Variants in PIGN observed in about 807,000 individuals in gnomAD.
The protein encoded by PIGN is phosphatidylinositol glycan anchor biosynthesis class N.
Under a neutral mutation model 125.4 loss-of-function variants are expected in PIGN, and 117 were observed. The observed-to-expected ratio is 0.93, with a 90% CI of 0.80 to 1.09. PIGN has a LOEUF of 1.09. PIGN is among the 50% of genes least tolerant of loss of function. The pLI is 0.00. For synonymous variants in PIGN, 392 were observed against 377.8 expected, an observed-to-expected ratio of 1.04 and a Z score of -0.44; for missense variants, 1,075 against 1,094.9, an observed-to-expected ratio of 0.98 and a Z score of 0.26.
At chr18:62,046,120 C>G (rs2144988863) in intron 30 of PIGN, 141 bp from the exon 31 acceptor site, 1 of 789,810 alleles carries the variant, frequency 1.3e-6, no homozygotes, top group East Asian at 2.8e-5. Context: ...CTTATTCCTC[C>G]TGCTAAGTAC....
intron 16 of PIGN, among the ~76,000 whole-genome samples, chr18:62,111,295 G>A (rs1226302982): frequency 6.6e-6 from 1 of 151,844 alleles, no homozygotes; most frequent in Admixed American, 6.6e-5. Flanking sequence ...CTGGAACAGT[G>A]GGGCTCAATA....
chr18:62,110,123 GA>G (rs1232880756), intron 16 of PIGN, 150 bp from the exon 17 acceptor site: 3 of 637,960 alleles, frequency 4.7e-6, no homozygotes, highest in East Asian at 2.9e-5. Context: ...TTAAGACAAG[GA>G]AAAAAATCTA....
chr18:62,057,075 G>C (rs1412510327), intron 30 of PIGN, among the ~76,000 whole-genome samples: 1 of 151,992 alleles, frequency 6.6e-6, no homozygotes, highest in East Asian at 1.9e-4. Flanking sequence ...AAAATGACTG[G>C]GGACCACTGT....
chr18:62,148,503 A>G (rs898079594), intron 7 of PIGN, among the ~76,000 whole-genome samples, 165 bp from the exon 8 acceptor site: 3 of 152,134 alleles, frequency 2.0e-5, no homozygotes, highest in African/African-American at 7.2e-5. Context: ...CTATCAGTTC[A>G]GACATCTATG....
intron 30 of PIGN, among the ~76,000 whole-genome samples, chr18:62,067,690 A>G (rs997907880): frequency 2.0e-5 from 3 of 152,216 alleles, no homozygotes; most frequent in African/African-American, 7.2e-5. Context: ...ATCCCATTGT[A>G]TGGCAATAGC....
rs565034956 is a variant in PIGN, at chr18:62,178,862, C to T, written c.-236+7982G>A. On this transcript the variant is annotated intron_variant, in intron 1 of 30. Transcript: ENST00000640252. Reference sequence around the variant, plus strand: ...GAGGTTATTAGTTCTTTAGATGATTCCTGCCCACTTGAGTTCAAAATCTTT... The same window carrying T: ...GAGGTTATTAGTTCTTTAGATGATTTCTGCCCACTTGAGTTCAAAATCTTT... 3.9e-5 allele frequency among the ~76,000 whole-genome samples: 6 copies of T among 152,190 alleles called. No individual in the cohort carries two copies. The South Asian group carries it at 1.2e-3, about 32-fold the overall frequency.
At chr18:62,152,095 C>T in intron 7 of PIGN, among the ~76,000 whole-genome samples, 1 of 151,946 alleles carries the variant, frequency 6.6e-6, no homozygotes, top group South Asian at 2.1e-4. Context: ...TCCAGAAAGG[C>T]AGGACAACTC....
intron 14 of PIGN, among the ~76,000 whole-genome samples, chr18:62,134,911 G>A (rs551567613): frequency 4.5e-4 from 69 of 152,148 alleles, no homozygotes; most frequent in Non-Finnish European, 7.1e-4. Context: ...ATGGGCGGGC[G>A]GATGAAGAAA....
Position 62,154,565 on chromosome 18 carries a change from A to G in PIGN, c.529T>C (p.Trp177Arg), listed in dbSNP as rs1420211399. ...GAQDATKLDT[W>R]VFDNVKDFFH... ...CAAACCTTAACATTATCAAAAACCCACGTATCCAGTTTTGTTGCATCTTGA... is the reference window on the plus strand; with the variant it reads ...CAAACCTTAACATTATCAAAAACCCGCGTATCCAGTTTTGTTGCATCTTGA... The change falls in exon 7 of 31, where the codon TGG becomes CGG. Residue 177 changes from tryptophan to arginine, a missense_variant. Physicochemically the swap from Trp to Arg is moderately radical, Grantham distance 101. Around this residue, in one of 3 missense-constraint regions of PIGN, gnomAD observed 915 missense variants for 908.7 expected, o/e 1.01. Transcript: ENST00000640252. 3.2e-6 allele frequency: 5 copies of G among 1,550,966 alleles called. No individual in the cohort carries two copies. Among genetic ancestry groups the G allele is most frequent in the Non-Finnish European group, 4.4e-6 (5 of 1,123,764 alleles).
intron 16 of PIGN, among the ~76,000 whole-genome samples, chr18:62,111,851 T>C (rs532917600): frequency 1.3e-5 from 2 of 152,306 alleles, no homozygotes; most frequent in South Asian, 2.1e-4. Context: ...CATTGTACCA[T>C]ACACTCAATT....
At chr18:62,142,243 T>C (rs2093953825) in intron 11 of PIGN, among the ~76,000 whole-genome samples, 1 of 152,198 alleles carries the variant, frequency 6.6e-6, no homozygotes, top group African/African-American at 2.4e-5. Context: ...CACAGACACA[T>C]CACAGTGTTA....
At chr18:62,086,520 G>A (rs2033710117) in intron 25 of PIGN, among the ~76,000 whole-genome samples, 1 of 152,136 alleles carries the variant, frequency 6.6e-6, no homozygotes, top group Non-Finnish European at 1.5e-5. Flanking sequence ...AGGAGGCTGA[G>A]GCAGGAGAAT....
At chr18:62,059,128 A>G (rs1411868749) in intron 30 of PIGN, 3 of 141,184 alleles carry the variant, frequency 2.1e-5, no homozygotes, top group Non-Finnish European at 4.5e-5. Context: ...ACAAGGTGGA[A>G]GCTGCAGTGG....
chr18:62,046,862 T>C lies in PIGN; in HGVS notation c.2673-883A>G, dbSNP rs547649750. 3.3e-5 allele frequency among the ~76,000 whole-genome samples: 5 copies of C among 152,208 alleles called. No homozygotes were observed. The South Asian group carries it at 6.2e-4, about 19-fold the overall frequency. On this transcript the variant is annotated intron_variant, in intron 30 of 30. Coordinates refer to ENST00000640252, the MANE Select transcript of PIGN (RefSeq NM_176787.5). Reference sequence around the variant, plus strand: ...AGGGCTGACTATACAACTAAAAATGTTGGACACTATAAACAAACGTAAGAC... The same window carrying C: ...AGGGCTGACTATACAACTAAAAATGCTGGACACTATAAACAAACGTAAGAC...
At chr18:62,115,773 C>T (rs1236024237) in intron 14 of PIGN, among the ~76,000 whole-genome samples, 2 of 151,926 alleles carry the variant, frequency 1.3e-5, no homozygotes. Flanking sequence ...AACCCAGAAG[C>T]TTATCTATGA....
intron 30 of PIGN, among the ~76,000 whole-genome samples, chr18:62,055,011 C>A (rs1000282515): frequency 6.6e-6 from 1 of 152,180 alleles, no homozygotes; most frequent in African/African-American, 2.4e-5. Context: ...TACACACCCA[C>A]TTGAATAGCT....
rs954328770 is a variant in PIGN, at chr18:62,045,174, T to C, written c.*682A>G. The C allele has an allele frequency of 3.3e-5, 5 of 152,048 alleles. No individual in the cohort carries two copies. Among genetic ancestry groups the C allele is most frequent in the Non-Finnish European group, 7.4e-5 (5 of 68,024 alleles). 9.4% of individuals were successfully genotyped at this position (152,048 alleles called of 1,614,324 possible). A position where few individuals can be genotyped will look rare whatever the true frequency, so the allele number is the denominator to read the frequency against. On this transcript the variant is annotated 3_prime_UTR_variant, in exon 31 of 31. Transcript: ENST00000640252. ...TGTATAAGACAGAAATACCAAGCACTTTCTACTTTTGTGTTGTCAGAAATC... is the reference window on the plus strand; with the variant it reads ...TGTATAAGACAGAAATACCAAGCACCTTCTACTTTTGTGTTGTCAGAAATC...
intron 7 of PIGN, chr18:62,154,176 G>A (rs911262848): frequency 1.3e-4 from 34 of 259,982 alleles, no homozygotes; most frequent in African/African-American, 7.3e-4. Context: ...TATTATAAAT[G>A]TATTACATTT....
rs190496295 is a variant in PIGN, at chr18:62,181,712, G to A, written c.-236+5132C>T. On this transcript the variant is annotated intron_variant, in intron 1 of 30. Coordinates refer to ENST00000640252, the MANE Select transcript of PIGN (RefSeq NM_176787.5). The stretch of plus-strand genomic sequence containing the variant: ...CAGGTGTGAGTTGCTGGGCCCAGTC[G>A]CCTTCTCCTTTTTATTTTTATTTCT... 3.3e-5 allele frequency among the ~76,000 whole-genome samples: 5 copies of A among 151,902 alleles called. No individual in the cohort carries two copies. In the East Asian group the frequency reaches 5.8e-4, roughly 18 times the overall value.
Sources: allele counts gnomAD v4.1 joint callset (sites outside exome capture counted in the v4.1 genomes callset), GRCh38; gene constraint gnomAD v4.1.1; regional missense constraint gnomAD v4.1.1; transcripts MANE v1.5; gene names NCBI Gene and HGNC (gene_info 2026-07-23, HGNC 2026-07-21).